The following ACAD10 variants were observed in gnomAD, a reference collection of about 807,000 sequenced individuals.
The protein encoded by ACAD10 is acyl-CoA dehydrogenase family member 10.
A neutral mutation model predicts 116.8 loss-of-function variants in ACAD10; 112 were observed. The ratio of observed to expected loss-of-function variants is 0.96; its 90% CI spans 0.82 to 1.12. The LOEUF (loss-of-function observed/expected upper bound fraction) is 1.12, where lower values mean the gene tolerates loss of function less well. Among genes scored for constraint, ACAD10 ranks in the 50% most tolerant of loss-of-function variants. The pLI is 0.00. For synonymous variants in ACAD10, 486 were observed against 510.6 expected (o/e 0.95, Z 0.65); for missense variants, 1,259 against 1,350.2 (o/e 0.93, Z 1.06).
At position 111,718,335 on chromosome 12, in the gene ACAD10, C is replaced by T. The variant is rs186335593; in HGVS notation, c.992+2373C>T. 4.6e-5 allele frequency among the ~76,000 whole-genome samples: 7 copies of T among 152,176 alleles called. No individual in the cohort carries two copies. The East Asian group carries it at 1.4e-3, about 29-fold the overall frequency. ...AAGTGCTGGGATTACAGGCGTGAGCCACTATGCCCACCCTAGTGATATCCT... is the reference window on the plus strand; with the variant it reads ...AAGTGCTGGGATTACAGGCGTGAGCTACTATGCCCACCCTAGTGATATCCT... On this transcript the variant is annotated intron_variant, in intron 7 of 20. Coordinates refer to ENST00000313698, the MANE Select transcript of ACAD10 (RefSeq NM_025247.6).
At chr12:111,736,264 G>C (rs1889561391) in intron 11 of ACAD10, among the ~76,000 whole-genome samples, 1 of 144,242 alleles carries the variant, frequency 6.9e-6, no homozygotes, top group Admixed American at 7.4e-5. Flanking sequence ...TCAGCTCACT[G>C]CAACCTCTGC....
intron 7 of ACAD10, among the ~76,000 whole-genome samples, chr12:111,721,240 T>G (rs540574655): frequency 6.6e-6 from 1 of 152,162 alleles, no homozygotes; most frequent in Non-Finnish European, 1.5e-5. Context: ...TTTTTAGAAT[T>G]TCATTTTAAT....
At chr12:111,694,229 C>T (rs969741943) in intron 2 of ACAD10, among the ~76,000 whole-genome samples, 3 of 152,164 alleles carry the variant, frequency 2.0e-5, no homozygotes, top group African/African-American at 7.2e-5. Flanking sequence ...CTCAGTTGGG[C>T]CATTGGTGCT....
intron 17 of ACAD10, chr12:111,748,714 T>G: frequency 6.7e-6 from 4 of 593,392 alleles, no homozygotes; most frequent in Non-Finnish European, 1.2e-5. Flanking sequence ...TAATCAGGAG[T>G]CTGTGACACA....
At chr12:111,745,106 C>T (rs770631713) in intron 13 of ACAD10, 63 bp downstream of exon 13, 20 of 1,525,258 alleles carry the variant, frequency 1.3e-5, no homozygotes, top group Non-Finnish European at 1.8e-5. Context: ...CCGACCCCAC[C>T]GGGCTCACCT....
At chr12:111,748,964 A>G in intron 17 of ACAD10, 1 of 1,533,142 alleles carries the variant, frequency 6.5e-7, no homozygotes, top group Non-Finnish European at 8.9e-7. Context: ...ATCACAGAAT[A>G]GTCATTTGCC....
At position 111,744,947 on chromosome 12, in the gene ACAD10, C is replaced by A; in HGVS notation, c.2019C>A (p.Phe673Leu). Residue 673 changes from phenylalanine to leucine, a missense_variant, in exon 13 of 21, where the codon TTC becomes TTA. Physicochemically the swap from Phe to Leu is conservative, Grantham distance 22. Transcript: ENST00000313698. ...AGCTGTATCACCGGCTGAAGCACTT[C>A]ATGGAGCAACGTGTGTACCCTGCAG... Reference protein sequence around the residue: ...VRELYHRLKHFMEQRVYPAEP... With the variant: ...VRELYHRLKHLMEQRVYPAEP... 6.2e-7 allele frequency: 1 copy of A among 1,614,170 alleles called. No individual in the cohort carries two copies. Among genetic ancestry groups the A allele is most frequent in the Non-Finnish European group, 8.5e-7 (1 of 1,180,036 alleles).
At chr12:111,748,807 A>T in intron 17 of ACAD10, 1 of 580,272 alleles carries the variant, frequency 1.7e-6, no homozygotes, top group Non-Finnish European at 2.9e-6. Context: ...CCTCTAGGCC[A>T]CAGCCCTGGT....
intron 2 of ACAD10, among the ~76,000 whole-genome samples, chr12:111,694,199 G>C (rs991532730): frequency 6.6e-6 from 1 of 152,202 alleles, no homozygotes; most frequent in African/African-American, 2.4e-5. Flanking sequence ...GGCTGCACAA[G>C]CTGGTTTCTG....
At position 111,748,385 on chromosome 12, in the gene ACAD10, C is replaced by A. The variant is rs141914437; in HGVS notation, c.2554C>A (p.Arg852=). The A allele has an allele frequency of 6.2e-7, 1 of 1,614,004 alleles. No homozygotes were observed. The highest frequency in any genetic ancestry group is 1.3e-5 in the African/African-American group (1 of 74,906). The change falls in exon 17 of 21, where the codon CGG becomes AGG. Residue 852 remains arginine, a synonymous_variant. Coordinates refer to ENST00000313698, the MANE Select transcript of ACAD10 (RefSeq NM_025247.6). ...AACAGACCCACATGCACCAAGACACCGGCAGCAGTCTGTGCTCTTGGTTCC... is the reference window on the plus strand; with the variant it reads ...AACAGACCCACATGCACCAAGACACAGGCAGCAGTCTGTGCTCTTGGTTCC... The part of the protein sequence containing the change: ...GKTDPHAPRH[R]QQSVLLVPMD...
At chr12:111,727,941 C>G in intron 8 of ACAD10, 21 bp from the exon 9 acceptor site, 1 of 1,593,308 alleles carries the variant, frequency 6.3e-7, no homozygotes, top group South Asian at 1.2e-5. Context: ...ATCCCTGAAA[C>G]CCCTTCTGTG....
chr12:111,722,830 C>T (rs1889057184), intron 8 of ACAD10, among the ~76,000 whole-genome samples: 1 of 152,178 alleles, frequency 6.6e-6, no homozygotes, highest in African/African-American at 2.4e-5. Context: ...AATCTTTTCC[C>T]CACCTTTCCT....
intron 2 of ACAD10, among the ~76,000 whole-genome samples, chr12:111,694,055 T>C (rs1307301548): frequency 1.3e-5 from 2 of 152,164 alleles, no homozygotes; most frequent in Admixed American, 6.6e-5. Flanking sequence ...CAGGCAGCCA[T>C]CCCTCTCCTT....
chr12:111,730,474 G>C (rs924178402), intron 10 of ACAD10, among the ~76,000 whole-genome samples: 3 of 152,208 alleles, frequency 2.0e-5, no homozygotes, highest in Non-Finnish European at 4.4e-5. Flanking sequence ...GTCTCTGGGG[G>C]TATGTGATGA....
chr12:111,691,109 T>C (rs1326643097), intron 1 of ACAD10: 1 of 152,224 alleles, frequency 6.6e-6, no homozygotes, highest in African/African-American at 2.4e-5. Flanking sequence ...ATACCTTTCA[T>C]CTAGACTCAC....
intron 2 of ACAD10, among the ~76,000 whole-genome samples, chr12:111,697,634 G>A: frequency 6.8e-6 from 1 of 147,790 alleles, no homozygotes; most frequent in African/African-American, 2.5e-5. Context: ...GCCCAGGTTG[G>A]AGTACAGTGA....
Position 111,736,874 on chromosome 12 carries a change from A to G in ACAD10, c.1584A>G (p.Ala528=), listed in dbSNP as rs757865068. The change falls in exon 12 of 21, where the codon GCA becomes GCG. Residue 528 remains alanine, a synonymous_variant. Coordinates refer to ENST00000313698, the MANE Select transcript of ACAD10 (RefSeq NM_025247.6). ...CDLTQLGIPA[A]EEYFRMYCLQ... ...TGACACAGCTGGGAATCCCTGCTGC[A>G]GAGGAGTATTTCAGGATGTACTGTC... The G allele has an allele frequency of 6.2e-6, 10 of 1,614,086 alleles. No homozygotes were observed. In the Admixed American group the frequency reaches 1.2e-4, roughly 19 times the overall value.
intron 8 of ACAD10, among the ~76,000 whole-genome samples, 161 bp from the exon 9 acceptor site, chr12:111,727,801 C>G (rs1029222326): frequency 2.0e-5 from 3 of 152,048 alleles, no homozygotes; most frequent in African/African-American, 7.2e-5. Flanking sequence ...ATGCACTGTG[C>G]TTATGTGAAA....
At position 111,690,241 on chromosome 12, in the gene ACAD10, C is replaced by T. The variant is rs575751633; in HGVS notation, c.-13-2456C>T. 1.5e-4 allele frequency among the ~76,000 whole-genome samples: 23 copies of T among 152,234 alleles called. No individual in the cohort carries two copies. In the South Asian group the frequency reaches 4.8e-3, roughly 32 times the overall value. On this transcript the variant is annotated intron_variant, in intron 1 of 20. Coordinates refer to ENST00000313698, the MANE Select transcript of ACAD10 (RefSeq NM_025247.6). ...TATCTGCGTATATATAATGAGATAT[C>T]TTGGGGTTGGGACCCAAGGCTAAAC... is the stretch of plus-strand genomic sequence containing the variant.
Sources: gnomAD v4.1 joint callset for allele counts (sites outside exome capture counted in the v4.1 genomes callset) on GRCh38, gnomAD v4.1.1 for gene constraint, MANE v1.5 for transcripts, NCBI Gene and HGNC (gene_info 2026-07-23, HGNC 2026-07-21) for gene names.